The following LRP1B variants were observed in gnomAD, a reference collection of about 807,000 sequenced individuals.
LRP1B encodes the protein low-density lipoprotein receptor-related protein 1B.
A neutral mutation model predicts 556.6 loss-of-function variants in LRP1B; 217 were observed. The observed-to-expected ratio is 0.39, with a 90% CI of 0.35 to 0.44. The LOEUF (loss-of-function observed/expected upper bound fraction) is 0.44, where lower values mean the gene tolerates loss of function less well. LRP1B is among the 20% of genes least tolerant of loss of function. The probability of loss-of-function intolerance (pLI) is 1.00; values close to 1 mark genes in which losing one functional copy is unlikely to be tolerated. For synonymous variants in LRP1B, 2,047 were observed against 1,865.8 expected (o/e 1.10, Z -2.50); for missense variants, 5,053 against 5,620.8 (o/e 0.90, Z 3.23).
intron 27 of LRP1B, among the ~76,000 whole-genome samples, chr2:140,860,153 C>T (rs1370929971): frequency 6.6e-6 from 1 of 152,128 alleles, no homozygotes; most frequent in Non-Finnish European, 1.5e-5. Flanking sequence ...TTAACTACTA[C>T]AGTACACAAC....
At chr2:141,736,004 A>G (rs1463706626) in intron 2 of LRP1B, among the ~76,000 whole-genome samples, 5 of 152,160 alleles carry the variant, frequency 3.3e-5, no homozygotes, top group African/African-American at 1.2e-4. Context: ...CTTCTTTCTC[A>G]AGTCAAAGAC....
At chr2:141,212,893 C>G (rs566883321) in intron 6 of LRP1B, among the ~76,000 whole-genome samples, 3 of 152,152 alleles carry the variant, frequency 2.0e-5, no homozygotes, top group Non-Finnish European at 2.9e-5. Flanking sequence ...TTGATATAAA[C>G]AAGAGTTATG....
intron 5 of LRP1B, among the ~76,000 whole-genome samples, chr2:141,245,784 A>G (rs1684044097): frequency 6.6e-6 from 1 of 152,200 alleles, no homozygotes; most frequent in Admixed American, 6.5e-5. Context: ...TAGCAGTAAA[A>G]GGCAGTTTTG....
intron 3 of LRP1B, among the ~76,000 whole-genome samples, chr2:141,325,163 A>AT (rs1322477761): frequency 6.6e-6 from 1 of 151,946 alleles, no homozygotes. Context: ...TAATAATTTC[A>AT]TTTTTGCTGT....
At chr2:140,746,616 G>A (rs1183937455) in intron 35 of LRP1B, among the ~76,000 whole-genome samples, 1 of 152,074 alleles carries the variant, frequency 6.6e-6, no homozygotes, top group Non-Finnish European at 1.5e-5. Flanking sequence ...ATTTTAGTGT[G>A]ATTATTCTGA....
intron 3 of LRP1B, among the ~76,000 whole-genome samples, chr2:141,377,940 G>A (rs1382653899): frequency 6.6e-6 from 1 of 152,130 alleles, no homozygotes; most frequent in African/African-American, 2.4e-5. Context: ...AAGATATAAG[G>A]ACAATCTGTG....
chr2:140,281,109 C>T (rs1682894890), intron 84 of LRP1B, among the ~76,000 whole-genome samples: 1 of 151,818 alleles, frequency 6.6e-6, no homozygotes, highest in African/African-American at 2.4e-5. Context: ...TGCACACTCT[C>T]TCTTTTTCTT....
chr2:140,844,096 T>A (rs1393109226), intron 29 of LRP1B, among the ~76,000 whole-genome samples: 1 of 151,960 alleles, frequency 6.6e-6, no homozygotes, highest in Non-Finnish European at 1.5e-5. Context: ...AGTTTCACTC[T>A]TGTTGCCCAG....
rs1414379845 is a variant in LRP1B, at chr2:141,164,532, T to C, written c.1013+23889A>G. On this transcript the variant is annotated intron_variant, in intron 7 of 90. Transcript: ENST00000389484. ...GCTTACATTTTACAAATGCTGCTTT[T>C]GAATGTTAGAGAAGTGATTTTTCTT... Among the ~76,000 whole-genome samples, 4 of 152,144 alleles carry C rather than the reference T, an allele frequency of 2.6e-5. No individual in the cohort carries two copies. In the East Asian group the frequency reaches 5.8e-4, roughly 22 times the overall value.
At chr2:142,129,359 A>G (rs757883985) in intron 1 of LRP1B, among the ~76,000 whole-genome samples, 4 of 152,214 alleles carry the variant, frequency 2.6e-5, no homozygotes, top group Non-Finnish European at 5.9e-5. Context: ...TAGTCCCACC[A>G]CTGGTAGAGG....
In LRP1B at chr2:141,468,953, G is replaced by A. The variant is rs148766028; in HGVS notation, c.343+11443C>T. Among the ~76,000 whole-genome samples, 990 of 151,918 alleles carry A rather than the reference G, an allele frequency of 6.5e-3. 11 individuals carry two copies. The highest frequency in any genetic ancestry group is 0.021 in the African/African-American group (878 of 41,504). On this transcript the variant is annotated intron_variant, in intron 3 of 90. Coordinates refer to ENST00000389484, the MANE Select transcript of LRP1B (RefSeq NM_018557.3). ...CAGATTGATCTCTCTTTGGTCTGCC[G>A]CTTCATGGTTTTTTACAACCACAGT...
intron 11 of LRP1B, among the ~76,000 whole-genome samples, chr2:141,041,414 T>C (rs1011505770): frequency 1.3e-5 from 2 of 151,744 alleles, no homozygotes; most frequent in African/African-American, 4.8e-5. Context: ...TCAGGAAGAG[T>C]CCATTTCTTT....
chr2:140,867,711 G>C lies in LRP1B; in HGVS notation c.4458C>G (p.Asp1486Glu), dbSNP rs2105153805. ...CTTTGGACAATGTGTTGGTCCTCCA[G>C]TCTGTCCAGTAGACTTCACTCCCAT... ...SLYGSEVYWT[D>E]WRTNTLSKAN... Residue 1486 changes from aspartate to glutamate, a missense_variant, in exon 27 of 91, where the codon GAC becomes GAG. Physicochemically the swap from Asp to Glu is conservative, Grantham distance 45. This residue lies in a region of LRP1B where 3,619 missense variants were observed against 3,931.9 expected (regional missense o/e 0.92). Coordinates refer to ENST00000389484, the MANE Select transcript of LRP1B (RefSeq NM_018557.3). 1 of 1,613,530 alleles carries C rather than the reference G, an allele frequency of 6.2e-7. No homozygotes were observed. Among genetic ancestry groups the C allele is most frequent in the Non-Finnish European group, 8.5e-7 (1 of 1,179,650 alleles).
intron 31 of LRP1B, among the ~76,000 whole-genome samples, chr2:140,831,204 A>G (rs1329926540): frequency 6.6e-6 from 1 of 152,104 alleles, no homozygotes; most frequent in East Asian, 1.9e-4. Context: ...AAAGACCCCA[A>G]ATAGCCAAAA....
intron 9 of LRP1B, among the ~76,000 whole-genome samples, chr2:141,055,751 A>G (rs1699162537): frequency 6.6e-6 from 1 of 151,400 alleles, no homozygotes; most frequent in African/African-American, 2.4e-5. Context: ...CTGAGGCAAA[A>G]TATTTTTTAA....
intron 3 of LRP1B, among the ~76,000 whole-genome samples, chr2:141,306,575 A>C (rs576172589): frequency 2.3e-4 from 35 of 152,168 alleles, no homozygotes; most frequent in Non-Finnish European, 4.4e-4. Flanking sequence ...TTTTCAAATA[A>C]CTAACCTTTC....
At chr2:141,143,550 G>A (rs1701709805) in intron 7 of LRP1B, among the ~76,000 whole-genome samples, 1 of 152,130 alleles carries the variant, frequency 6.6e-6, no homozygotes, top group African/African-American at 2.4e-5. Context: ...TCTTATTGGA[G>A]TTGTATACTG....
intron 84 of LRP1B, among the ~76,000 whole-genome samples, chr2:140,284,907 C>CTACCTATAT (rs1553439326): frequency 3.4e-5 from 5 of 148,364 alleles, no homozygotes; most frequent in Non-Finnish European, 6.0e-5. Context: ...TATCTATATA[C>CTACCTATAT]CTATATACCT....
At chr2:141,414,034 G>C (rs1434195958) in intron 3 of LRP1B, among the ~76,000 whole-genome samples, 1 of 151,920 alleles carries the variant, frequency 6.6e-6, no homozygotes, top group East Asian at 1.9e-4. Context: ...TCAGGAGATG[G>C]AGACCATCCT....
Sources: allele counts gnomAD v4.1 joint callset (sites outside exome capture counted in the v4.1 genomes callset), GRCh38; gene constraint gnomAD v4.1.1; regional missense constraint gnomAD v4.1.1; transcripts MANE v1.5; gene names NCBI Gene and HGNC (gene_info 2026-07-23, HGNC 2026-07-21).